Variants in EFCAB8 observed in about 807,000 individuals in gnomAD.
The protein encoded by EFCAB8 is EF-hand calcium-binding domain-containing protein 8.
In EFCAB8, 100 loss-of-function variants were observed where a neutral mutation model predicts 116.3. The observed-to-expected ratio is 0.86, with a 90% CI of 0.73 to 1.02. The LOEUF (loss-of-function observed/expected upper bound fraction) is 1.02, where lower values mean the gene tolerates loss of function less well. Ranked by LOEUF, EFCAB8 falls within the 50% of genes least tolerant of loss-of-function variation. The pLI is 0.00. For missense variants in EFCAB8, 1,320 were observed against 1,416.9 expected (o/e 0.93, Z 1.10); for synonymous variants, 558 against 567.9 (o/e 0.98, Z 0.25).
intron 22 of EFCAB8, among the ~76,000 whole-genome samples, chr20:32,942,980 G>T (rs368943512): frequency 6.6e-6 from 1 of 152,068 alleles, no homozygotes; most frequent in African/African-American, 2.4e-5. Flanking sequence ...AAAATTTAAA[G>T]TTTATTATTC....
At chr20:32,875,820 C>A in intron 3 of EFCAB8, 106 bp from the exon 4 acceptor site, 1 of 993,020 alleles carries the variant, frequency 1.0e-6, no homozygotes, top group Non-Finnish European at 1.5e-6. Flanking sequence ...TAGATGTGGT[C>A]TTCAGTGTGT....
intron 5 of EFCAB8, among the ~76,000 whole-genome samples, chr20:32,881,397 A>G (rs1183138326): frequency 2.0e-5 from 3 of 152,250 alleles, no homozygotes; most frequent in South Asian, 2.1e-4. Flanking sequence ...GAGTTTCACC[A>G]TGTTGACCAG....
At chr20:32,928,597 C>A (rs1342551783) in intron 20 of EFCAB8, among the ~76,000 whole-genome samples, 1 of 151,900 alleles carries the variant, frequency 6.6e-6, no homozygotes, top group Non-Finnish European at 1.5e-5. Context: ...CATTTGTTAG[C>A]CCCTTTTTTT....
Position 32,892,232 on chromosome 20 carries a change from C to T in EFCAB8, c.693C>T (p.Asp231=). 6.4e-7 allele frequency: 1 copy of T among 1,551,686 alleles called. No homozygotes were observed. The highest frequency in any genetic ancestry group is 8.7e-7 in the Non-Finnish European group (1 of 1,146,990). ...CCCCAGATTTCTTTGATATTAGTGA[C>T]CACAAATGTGTCCGGGCCTTCACCT... ...RQKIDFFDIS[D]HKCVRAFTFV... The change falls in exon 8 of 27, where the codon GAC becomes GAT. Residue 231 remains aspartate (D), a synonymous_variant. Coordinates refer to ENST00000400522, the MANE Select transcript of EFCAB8 (RefSeq NM_001143967.2).
chr20:32,903,493 C>T (rs1986529789), intron 11 of EFCAB8: 1 of 152,246 alleles, frequency 6.6e-6, no homozygotes. Flanking sequence ...GTCTGTGCCC[C>T]TGGTAATCCT....
At chr20:32,909,735 T>G in intron 14 of EFCAB8, 86 bp from the exon 15 acceptor site, 1 of 614,092 alleles carries the variant, frequency 1.6e-6, no homozygotes, top group Non-Finnish European at 2.4e-6. Flanking sequence ...GATGTCGTGA[T>G]TTATTGGAAG....
intron 11 of EFCAB8, among the ~76,000 whole-genome samples, chr20:32,899,887 T>C (rs1045238611): frequency 2.0e-5 from 3 of 152,306 alleles, no homozygotes; most frequent in African/African-American, 7.2e-5. Context: ...TTCTGTTCTT[T>C]TACTGTGTGG....
intron 1 of EFCAB8, among the ~76,000 whole-genome samples, chr20:32,862,436 TC>T (rs370750590): frequency 6.6e-6 from 1 of 152,190 alleles, no homozygotes; most frequent in African/African-American, 2.4e-5. Context: ...AAAACCACTT[TC>T]CCTCTTTGCT....
chr20:32,903,033 C>T lies in EFCAB8; in HGVS notation c.1089-3529C>T, dbSNP rs1164429757. The stretch of plus-strand genomic sequence containing the variant: ...GCCCTGGCCCTCTTAGCAGCCTCAC[C>T]GTGTCCCCTCAGGCCACATTTCCTG... On this transcript the variant is annotated intron_variant, in intron 11 of 26. Coordinates refer to ENST00000400522, the MANE Select transcript of EFCAB8 (RefSeq NM_001143967.2). Among the ~76,000 whole-genome samples, 8 of 152,324 alleles carry T rather than the reference C, an allele frequency of 5.3e-5. 1 individual carries two copies. Among genetic ancestry groups the T allele is most frequent in the African/African-American group, 1.9e-4 (8 of 41,578 alleles).
intron 11 of EFCAB8, among the ~76,000 whole-genome samples, chr20:32,902,852 C>T (rs933377144): frequency 6.6e-5 from 10 of 152,180 alleles, no homozygotes; most frequent in African/African-American, 1.4e-4. Flanking sequence ...TCAGATGGTT[C>T]GAGCCAGGAG....
chr20:32,901,572 C>T (rs766402695), intron 11 of EFCAB8, among the ~76,000 whole-genome samples: 2 of 152,270 alleles, frequency 1.3e-5, no homozygotes, highest in Non-Finnish European at 2.9e-5. Context: ...TTCCTGACCT[C>T]ATTGCCTCCA....
chr20:32,952,378 G>GT (rs1206673037), intron 23 of EFCAB8, among the ~76,000 whole-genome samples: 1 of 152,096 alleles, frequency 6.6e-6, no homozygotes, highest in Non-Finnish European at 1.5e-5. Flanking sequence ...AAGTTTTATA[G>GT]TTTTCACTCT....
At chr20:32,901,362 G>A (rs756380693) in intron 11 of EFCAB8, among the ~76,000 whole-genome samples, 1 of 152,248 alleles carries the variant, frequency 6.6e-6, no homozygotes, top group Non-Finnish European at 1.5e-5. Context: ...AATGTTATAA[G>A]AAAGTTTATG....
chr20:32,893,349 T>G, intron 9 of EFCAB8, 51 bp downstream of exon 9: 1 of 1,548,090 alleles, frequency 6.5e-7, no homozygotes, highest in South Asian at 1.2e-5. Context: ...GGCCTAGATG[T>G]GGGTGCTGAG....
intron 23 of EFCAB8, among the ~76,000 whole-genome samples, chr20:32,945,929 C>T (rs562179815): frequency 2.6e-5 from 4 of 152,292 alleles, no homozygotes; most frequent in South Asian, 4.1e-4. Context: ...TTCTCTAGAG[C>T]GGCTACAAGC....
chr20:32,945,640 G>A (rs1403462018), intron 23 of EFCAB8, among the ~76,000 whole-genome samples: 1 of 152,112 alleles, frequency 6.6e-6, no homozygotes, highest in Non-Finnish European at 1.5e-5. Context: ...TTTGGGCCAT[G>A]CTTTCCTATT....
intron 20 of EFCAB8, among the ~76,000 whole-genome samples, chr20:32,925,016 T>C (rs1700105633): frequency 1.3e-5 from 2 of 152,034 alleles, no homozygotes; most frequent in Admixed American, 6.6e-5. Flanking sequence ...AGCCTTTCCT[T>C]AGTGGAAGAG....
Position 32,906,631 on chromosome 20 carries a change from T to A in EFCAB8, c.1156+2T>A. The stretch of plus-strand genomic sequence containing the variant: ...ACTGCCCAGACAGGAACTTCCTGGG[T>A]AAGTCACCTTCATGTCACCCAGAAG... On this transcript the variant is annotated splice_donor_variant, in intron 12 of 26. Transcript: ENST00000400522. LOFTEE classifies it high-confidence loss of function. 1 of 718,176 alleles carries A rather than the reference T, an allele frequency of 1.4e-6. No homozygotes were observed. Among genetic ancestry groups the A allele is most frequent in the East Asian group, 2.7e-5 (1 of 37,278 alleles). The allele number at this position is 718,176 out of a possible 1,614,324, so 44.5% of individuals were successfully genotyped here. A position where few individuals can be genotyped will look rare whatever the true frequency, so the allele number is the denominator to read the frequency against.
At chr20:32,868,687 A>G (rs1281394004) in intron 3 of EFCAB8, among the ~76,000 whole-genome samples, 2 of 152,068 alleles carry the variant, frequency 1.3e-5, no homozygotes, top group African/African-American at 2.4e-5. Flanking sequence ...CAAGGCTGCA[A>G]TCAAGTTGTT....
Sources: gnomAD v4.1 joint callset for allele counts (sites outside exome capture counted in the v4.1 genomes callset) on GRCh38, gnomAD v4.1.1 for gene constraint, MANE v1.5 for transcripts, NCBI Gene and HGNC (gene_info 2026-07-23, HGNC 2026-07-21) for gene names.